The following AXIN1 variants were observed in gnomAD, a reference collection of about 807,000 sequenced individuals.
AXIN1 encodes the protein axin 1, also known as axin-1.
A neutral mutation model predicts 76.4 loss-of-function variants in AXIN1; 30 were observed. That is an observed-to-expected ratio of 0.39 (90% CI 0.29 to 0.53). The LOEUF (loss-of-function observed/expected upper bound fraction) is 0.53, where lower values mean the gene tolerates loss of function less well. Among genes scored for constraint, AXIN1 ranks in the 20% least tolerant of loss-of-function variants. The pLI is 0.66. For missense variants in AXIN1, 1,140 were observed against 1,198.8 expected (o/e 0.95, Z 0.72); for synonymous variants, 545 against 501.4 (o/e 1.09, Z -1.16).
rs1286059056 is a variant in AXIN1, at chr16:332,575, CA to C, written c.878+13572del. 3.5e-3 allele frequency among the ~76,000 whole-genome samples: 296 copies of C among 85,264 alleles called. 1 individual carries two copies. The highest frequency in any genetic ancestry group is 0.012 in the African/African-American group (254 of 22,082). The allele number at this position is 85,264 out of a possible 152,430, so 55.9% of individuals were successfully genotyped here. On this transcript the variant is annotated intron_variant, in intron 2 of 10. Coordinates refer to ENST00000262320, the MANE Select transcript of AXIN1 (RefSeq NM_003502.4). Reference sequence around the variant, plus strand: ...TGGGCGAAAGAGCGAGACTCCTTCTCAAAAAAAAAAAGAAAACAAAAAAAAA... The same window carrying C: ...TGGGCGAAAGAGCGAGACTCCTTCTCAAAAAAAAAAGAAAACAAAAAAAAA...
At chr16:303,230 C>T (rs2052922066) in intron 5 of AXIN1, among the ~76,000 whole-genome samples, 1 of 152,162 alleles carries the variant, frequency 6.6e-6, no homozygotes. Context: ...AGCCGGCCTG[C>T]GCACTGGGAG....
intron 5 of AXIN1, among the ~76,000 whole-genome samples, chr16:302,001 A>C (rs924053116): frequency 6.6e-6 from 1 of 152,118 alleles, no homozygotes; most frequent in Non-Finnish European, 1.5e-5. Context: ...CTCTGTTCCC[A>C]ATGTTTGGTT....
At chr16:315,700 G>A (rs376364675) in intron 2 of AXIN1, among the ~76,000 whole-genome samples, 2 of 152,046 alleles carry the variant, frequency 1.3e-5, no homozygotes, top group Non-Finnish European at 2.9e-5. Context: ...GGTGGCGGGC[G>A]CCTGTAGTCC....
intron 3 of AXIN1, among the ~76,000 whole-genome samples, chr16:310,393 A>AT (rs373978217): frequency 1.3e-5 from 2 of 150,774 alleles, no homozygotes; most frequent in African/African-American, 4.9e-5. Flanking sequence ...TGGTTTCTAC[A>AT]TTTTTTTTTC....
intron 2 of AXIN1, among the ~76,000 whole-genome samples, chr16:334,261 GTA>G (rs2053756121): frequency 1.5e-5 from 2 of 129,174 alleles, no homozygotes; most frequent in African/African-American, 6.0e-5. Flanking sequence ...CAGTACCACA[GTA>G]CACCAATAAC....
chr16:324,243 G>A (rs549451957), intron 2 of AXIN1, among the ~76,000 whole-genome samples: 69 of 152,352 alleles, frequency 4.5e-4, no homozygotes, highest in African/African-American at 1.5e-3. Context: ...TGGGCACGAG[G>A]CCACCTGCTC....
chr16:297,288 C>T (rs1195547318), intron 6 of AXIN1, 62 bp from the exon 7 acceptor site: 53 of 1,592,150 alleles, frequency 3.3e-5, no homozygotes, highest in Middle Eastern at 3.3e-4. Flanking sequence ...GCCCCTTCCT[C>T]GTCTGCGAGG....
chr16:346,822 C>T lies in AXIN1; in HGVS notation c.204G>A (p.Leu68=), dbSNP rs1451030012. The T allele has an allele frequency of 6.2e-7, 1 of 1,613,358 alleles. No individual in the cohort carries two copies. Among genetic ancestry groups the T allele is most frequent in the Non-Finnish European group, 8.5e-7 (1 of 1,179,460 alleles). Residue 68 remains leucine (L), a synonymous_variant, in exon 2 of 11, where the codon CTG becomes CTA. Transcript: ENST00000262320. The stretch of plus-strand genomic sequence containing the variant: ...AGGCACTGCCCTCAGGCTCATACCC[C>T]AGGTCCAGATCCGAGCGCCTCGGAG... ...TATPRRSDLD[L]GYEPEGSASP...
intron 2 of AXIN1, among the ~76,000 whole-genome samples, chr16:337,427 T>C (rs2053828831): frequency 6.6e-6 from 1 of 151,130 alleles, no homozygotes; most frequent in Non-Finnish European, 1.5e-5. Flanking sequence ...ATTTTAAATG[T>C]TTGTTTAGGA....
intron 3 of AXIN1, among the ~76,000 whole-genome samples, chr16:312,217 G>A (rs1303692630): frequency 6.6e-6 from 1 of 152,126 alleles, no homozygotes; most frequent in Non-Finnish European, 1.5e-5. Flanking sequence ...TGAGCTTGCC[G>A]CCAGCACAAA....
In AXIN1 at chr16:352,630, C is replaced by A; in HGVS notation, c.-343G>T. 1 of 158,856 alleles carries A rather than the reference C, an allele frequency of 6.3e-6. No homozygotes were observed. The highest frequency in any genetic ancestry group is 1.3e-5 in the Non-Finnish European group (1 of 74,190). The allele number at this position is 158,856 out of a possible 1,614,324, so 9.8% of individuals were successfully genotyped here. On this transcript the variant is annotated 5_prime_UTR_variant, in exon 1 of 11. Coordinates refer to ENST00000262320, the MANE Select transcript of AXIN1 (RefSeq NM_003502.4). ...CCGGGCCGACTCCGGCCGGCTCTGGCGGCGGCAGCGGCCACGATCGCCTCC... is the reference window on the plus strand; with the variant it reads ...CCGGGCCGACTCCGGCCGGCTCTGGAGGCGGCAGCGGCCACGATCGCCTCC...
chr16:316,345 C>T (rs1209660401), intron 2 of AXIN1, among the ~76,000 whole-genome samples: 5 of 152,300 alleles, frequency 3.3e-5, no homozygotes, highest in Non-Finnish European at 7.4e-5. Context: ...TACCAAATAA[C>T]CCATCTTGTC....
At chr16:290,278 C>T (rs1296573260) in intron 9 of AXIN1, 1 of 158,580 alleles carries the variant, frequency 6.3e-6, no homozygotes, top group Admixed American at 5.9e-5. Context: ...GCCCTTGGGC[C>T]TCCTCCTGGC....
intron 2 of AXIN1, among the ~76,000 whole-genome samples, chr16:330,704 G>A (rs912695700): frequency 2.0e-5 from 3 of 152,232 alleles, no homozygotes; most frequent in Non-Finnish European, 4.4e-5. Context: ...GTAATGAAGA[G>A]TGGTAACATT....
Position 287,986 on chromosome 16 carries a change from C to G in AXIN1, c.*136G>C. The G allele has an allele frequency of 1.4e-6, 2 of 1,467,496 alleles. No homozygotes were observed. The highest frequency in any genetic ancestry group is 1.9e-6 in the Non-Finnish European group (2 of 1,063,094). 90.9% of individuals were successfully genotyped at this position (1,467,496 alleles called of 1,614,324 possible). A position where few individuals can be genotyped will look rare whatever the true frequency, so the allele number is the denominator to read the frequency against. ...GGGACCCCCTACCTGCCTCTAGACA[C>G]GGGTAGACCACAGGGATGGGTGGTA... On this transcript the variant is annotated 3_prime_UTR_variant, in exon 11 of 11. Transcript: ENST00000262320.
intron 2 of AXIN1, among the ~76,000 whole-genome samples, chr16:329,024 C>T (rs1480686217): frequency 1.3e-5 from 2 of 152,044 alleles, no homozygotes; most frequent in South Asian, 2.1e-4. Context: ...GCCTGTAATC[C>T]CAGCACTTTG....
chr16:326,369 A>AC (rs1567292723), intron 2 of AXIN1, among the ~76,000 whole-genome samples: 1 of 99,872 alleles, frequency 1.0e-5, no homozygotes, highest in African/African-American at 5.7e-5. Context: ...AAAAAAAAAA[A>AC]AAAATATATA....
intron 2 of AXIN1, among the ~76,000 whole-genome samples, chr16:318,984 T>C (rs574912229): frequency 8.0e-6 from 1 of 125,398 alleles, no homozygotes; most frequent in South Asian, 2.7e-4. Flanking sequence ...GCTCTGGCTG[T>C]GCGGAGAGAA....
Position 346,983 on chromosome 16 carries a change from T to C in AXIN1, c.43A>G (p.Ser15Gly), listed in dbSNP as rs773179751. 5 of 1,614,226 alleles carry C rather than the reference T, an allele frequency of 3.1e-6. No individual in the cohort carries two copies. In the East Asian group the frequency reaches 8.9e-5, roughly 29 times the overall value. Residue 15 changes from serine (S) to glycine (G), a missense_variant, in exon 2 of 11, where the codon AGT (serine) becomes GGT (glycine). Transcript: ENST00000262320. ...EQGFPLDLGA[S>G]FTEDAPRPPV... Reference sequence around the variant, plus strand: ...GGTCGGGGAGCATCTTCGGTGAAACTTGCTCCGAGGTCCAAGGGGAAACCC... The same window carrying C: ...GGTCGGGGAGCATCTTCGGTGAAACCTGCTCCGAGGTCCAAGGGGAAACCC...
Sources: allele counts gnomAD v4.1 joint callset (sites outside exome capture counted in the v4.1 genomes callset), GRCh38; gene constraint gnomAD v4.1.1; transcripts MANE v1.5; gene names NCBI Gene and HGNC (gene_info 2026-07-23, HGNC 2026-07-21).